The following RUBCNL variants were observed in gnomAD, a reference collection of about 807,000 sequenced individuals.
RUBCNL encodes rubicon like autophagy enhancer, also known as protein associated with UVRAG as autophagy enhancer.
Under a neutral mutation model 69.5 loss-of-function variants are expected in RUBCNL, and 62 were observed. The observed-to-expected ratio is 0.89, with a 90% CI of 0.73 to 1.10. RUBCNL has a LOEUF of 1.10. Ranked by LOEUF, RUBCNL falls within the 50% of genes least tolerant of loss-of-function variation. The pLI is 0.00. For missense variants in RUBCNL, 768 were observed against 798.1 expected (o/e 0.96, Z 0.45); for synonymous variants, 291 against 303.6 (o/e 0.96, Z 0.43).
At chr13:46,366,026 C>T (rs548518582) in intron 5 of RUBCNL, among the ~76,000 whole-genome samples, 7 of 152,302 alleles carry the variant, frequency 4.6e-5, no homozygotes, top group South Asian at 2.1e-4. Flanking sequence ...GAAGTGATTA[C>T]GACTGAGAAG....
At chr13:46,345,218 C>G (rs2048219591) in intron 13 of RUBCNL, among the ~76,000 whole-genome samples, 1 of 152,192 alleles carries the variant, frequency 6.6e-6, no homozygotes, top group African/African-American at 2.4e-5. Context: ...CTGAGCAGAA[C>G]TGGGCACCCA....
intron 1 of RUBCNL, among the ~76,000 whole-genome samples, chr13:46,383,299 G>C (rs1036002981): frequency 2.6e-5 from 4 of 152,158 alleles, no homozygotes; most frequent in Admixed American, 2.0e-4. Context: ...ATACTCTCTT[G>C]TGGATCTTTA....
rs772406802 is a variant in RUBCNL, at chr13:46,339,505, C to A, written c.*3880G>T. Among the ~76,000 whole-genome samples the A allele has an allele frequency of 6.6e-6, 1 of 152,138 alleles. No individual in the cohort carries two copies. Among genetic ancestry groups the A allele is most frequent in the South Asian group, 2.1e-4 (1 of 4,822 alleles). ...AAACCCCTTCCTGACATGTCTACCA[C>A]GTTCCTTCCAGCAGGTTTGAATTCC... On this transcript the variant is annotated 3_prime_UTR_variant, in exon 15 of 15. Coordinates refer to ENST00000429979, the MANE Select transcript of RUBCNL (RefSeq NM_025113.5).
chr13:46,378,161 A>C (rs918731811), intron 1 of RUBCNL, among the ~76,000 whole-genome samples, 156 bp from the exon 2 acceptor site: 1 of 152,164 alleles, frequency 6.6e-6, no homozygotes, highest in African/African-American at 2.4e-5. Context: ...TTTTGGTAGC[A>C]CTGGGGTAAC....
At chr13:46,377,583 AC>A (rs1221246435) in intron 2 of RUBCNL, among the ~76,000 whole-genome samples, 10 of 152,166 alleles carry the variant, frequency 6.6e-5, no homozygotes, top group Admixed American at 2.0e-4. Context: ...TTTTTTATAA[AC>A]AAGTTATAGT....
In RUBCNL at chr13:46,340,538, C is replaced by T. The variant is rs1327974223; in HGVS notation, c.*2847G>A. On this transcript the variant is annotated 3_prime_UTR_variant, in exon 15 of 15. Transcript: ENST00000429979. ...AGGCTTAGATAATTTAAATGGCTTC[C>T]CCAGTGTCTGAGTCTATTTGTGTTG... 2.6e-5 allele frequency among the ~76,000 whole-genome samples: 4 copies of T among 152,166 alleles called. No homozygotes were observed. Among genetic ancestry groups the T allele is most frequent in the African/African-American group, 9.7e-5 (4 of 41,432 alleles).
intron 9 of RUBCNL, among the ~76,000 whole-genome samples, chr13:46,357,959 C>T (rs2048527757): frequency 6.6e-6 from 1 of 152,086 alleles, no homozygotes; most frequent in South Asian, 2.1e-4. Flanking sequence ...ACTGTTTATC[C>T]CATAGTTTTA....
intron 1 of RUBCNL, among the ~76,000 whole-genome samples, chr13:46,378,269 T>C (rs892835031): frequency 2.0e-5 from 3 of 152,112 alleles, no homozygotes; most frequent in Non-Finnish European, 1.5e-5. Context: ...AGACACACAA[T>C]CATTTCAAGG....
At chr13:46,373,803 A>G (rs1305736876) in intron 2 of RUBCNL, among the ~76,000 whole-genome samples, 1 of 152,212 alleles carries the variant, frequency 6.6e-6, no homozygotes, top group African/African-American at 2.4e-5. Context: ...CAACTCCCAC[A>G]TGTATCTCTA....
At chr13:46,345,425 T>A (rs1667747877) in intron 13 of RUBCNL, 22 bp downstream of exon 13, 1 of 1,551,710 alleles carries the variant, frequency 6.4e-7, no homozygotes, top group South Asian at 1.2e-5. Flanking sequence ...CGGGAACGAA[T>A]CTGCTCTGGG....
Position 46,349,363 on chromosome 13 carries a change from A to G in RUBCNL, c.1570-16T>C, listed in dbSNP as rs1231322988. Reference sequence around the variant, plus strand: ...CCTGAATTTCCTAATGGGAGAAACCAAACACGGGGAAAAGTTAAATGTAAT... The same window carrying G: ...CCTGAATTTCCTAATGGGAGAAACCGAACACGGGGAAAAGTTAAATGTAAT... On this transcript the variant is annotated splice_polypyrimidine_tract_variant and intron_variant, in intron 11 of 14. Transcript: ENST00000429979. 6.2e-7 allele frequency: 1 copy of G among 1,609,736 alleles called. No homozygotes were observed. The highest frequency in any genetic ancestry group is 1.7e-5 in the Admixed American group (1 of 59,974).
intron 5 of RUBCNL, among the ~76,000 whole-genome samples, chr13:46,365,959 C>A (rs914537291): frequency 7.2e-5 from 11 of 152,128 alleles, no homozygotes; most frequent in African/African-American, 2.4e-4. Flanking sequence ...AAATGACTAG[C>A]CAGAAGGCTA....
chr13:46,360,790 C>G (rs984089565), intron 8 of RUBCNL, among the ~76,000 whole-genome samples: 2 of 152,220 alleles, frequency 1.3e-5, no homozygotes, highest in Non-Finnish European at 2.9e-5. Context: ...CATGAGGGAA[C>G]CAACATGTAC....
upstream of RUBCNL, among the ~76,000 whole-genome samples, chr13:46,388,199 CAA>C (rs71074779): frequency 1.5e-5 from 1 of 68,202 alleles, no homozygotes; most frequent in Non-Finnish European, 2.5e-5. Flanking sequence ...GCAAGACTGT[CAA>C]AAAAAAAAAA....
In RUBCNL at chr13:46,342,306, G is replaced by A. The variant is rs758264863; in HGVS notation, c.*1079C>T. 7.9e-5 allele frequency: 12 copies of A among 152,234 alleles called. 1 individual carries two copies. In the South Asian group the frequency reaches 8.3e-4, roughly 11 times the overall value. 9.4% of individuals were successfully genotyped at this position (152,234 alleles called of 1,614,324 possible). A position where few individuals can be genotyped will look rare whatever the true frequency, so the allele number is the denominator to read the frequency against. ...AGAAAATCAAGGTAGGTTTAGTTAG[G>A]GCATGTGAATCCCAGGGAATGTAAT... On this transcript the variant is annotated 3_prime_UTR_variant, in exon 15 of 15. Transcript: ENST00000429979.
chr13:46,379,573 A>AC (rs1400479318), intron 1 of RUBCNL, among the ~76,000 whole-genome samples: 4 of 152,208 alleles, frequency 2.6e-5, no homozygotes, highest in Non-Finnish European at 5.9e-5. Context: ...AATGGATGTC[A>AC]CCCTTTAGAA....
chr13:46,371,882 G>A, intron 3 of RUBCNL, 59 bp downstream of exon 3: 1 of 1,538,838 alleles, frequency 6.5e-7, no homozygotes, highest in South Asian at 1.2e-5. Context: ...AGGCTTTAGA[G>A]CAAGGCGAAG....
Position 46,337,414 on chromosome 13 carries a change from G to A in RUBCNL, c.*5971C>T, listed in dbSNP as rs1330430098. Reference sequence around the variant, plus strand: ...AGCCTGAGGCATATATCTCAACTTTGGGAGTGCTGGGATTACAAGTGTGAG... The same window carrying A: ...AGCCTGAGGCATATATCTCAACTTTAGGAGTGCTGGGATTACAAGTGTGAG... On this transcript the variant is annotated 3_prime_UTR_variant, in exon 15 of 15. Transcript: ENST00000429979. Among the ~76,000 whole-genome samples, 1 of 152,028 alleles carries A rather than the reference G, an allele frequency of 6.6e-6. No homozygotes were observed. Among genetic ancestry groups the A allele is most frequent in the East Asian group, 1.9e-4 (1 of 5,182 alleles).
chr13:46,359,372 T>C (rs1364387553), intron 9 of RUBCNL, 114 bp downstream of exon 9: 1 of 862,982 alleles, frequency 1.2e-6, no homozygotes, highest in Non-Finnish European at 1.6e-6. Flanking sequence ...TAAAACAAAT[T>C]TTCCTGTGTT....
Sources: allele counts gnomAD v4.1 joint callset (sites outside exome capture counted in the v4.1 genomes callset), GRCh38; gene constraint gnomAD v4.1.1; transcripts MANE v1.5; gene names NCBI Gene and HGNC (gene_info 2026-07-23, HGNC 2026-07-21).